CORO1B: variants seen among roughly 807,000 people sequenced by gnomAD.
CORO1B encodes coronin-1B.
Under a neutral mutation model 51.1 loss-of-function variants are expected in CORO1B, and 30 were observed. That is an observed-to-expected ratio of 0.59 (90% CI 0.44 to 0.80). The LOEUF (loss-of-function observed/expected upper bound fraction) is 0.80, where lower values mean the gene tolerates loss of function less well. CORO1B is among the 30% of genes least tolerant of loss of function. The pLI, the probability that CORO1B is intolerant of heterozygous loss-of-function variation, is 0.00. For synonymous variants in CORO1B, 310 were observed against 289.7 expected, an observed-to-expected ratio of 1.07 and a Z score of -0.71; for missense variants, 648 against 700.4, an observed-to-expected ratio of 0.93 and a Z score of 0.84.
intron 1 of CORO1B, 132 bp from the exon 2 acceptor site, chr11:67,442,762 C>T (rs1864424548): frequency 1.2e-6 from 1 of 855,092 alleles, no homozygotes; most frequent in East Asian, 2.6e-5. Context: ...CTCGGTTTAC[C>T]CAGTTACAGA....
At position 67,438,428 on chromosome 11, in the gene CORO1B, C is replaced by A. The variant is rs755285194; in HGVS notation, c.1418G>T (p.Arg473Leu). 5 of 1,610,806 alleles carry A rather than the reference C, an allele frequency of 3.1e-6. No homozygotes were observed. The highest frequency in any genetic ancestry group is 4.2e-6 in the Non-Finnish European group (5 of 1,178,468). Residue 473 changes from arginine (R) to leucine (L), a missense_variant, in exon 11 of 11, where the codon CGC becomes CTC. Arg to Leu is a moderately radical substitution (Grantham distance 102). Coordinates refer to ENST00000341356, the MANE Select transcript of CORO1B (RefSeq NM_020441.3). ...CAGCTGCTCCTCCAGGCGGCAGATG[C>A]GGTCGCCCTGCTCCTTGACCAGCGC... ...LRALVKEQGDRICRLEEQLGR... is the reference protein window; with the variant it reads ...LRALVKEQGDLICRLEEQLGR...
At chr11:67,439,958 C>T (rs1864363542) in intron 8 of CORO1B, 115 bp from the exon 9 acceptor site, 4 of 1,438,198 alleles carry the variant, frequency 2.8e-6, no homozygotes, top group Admixed American at 3.9e-5. Flanking sequence ...GCAGGCCGAC[C>T]CCTAAGGTGG....
Position 67,438,301 on chromosome 11 carries a change from CCGGTGCGACCCGCTGGCAGAAGCTGAGT to C in CORO1B, c.*47_*74del. 1 of 1,536,106 alleles carries C rather than the reference CCGGTGCGACCCGCTGGCAGAAGCTGAGT, an allele frequency of 6.5e-7. No homozygotes were observed. The highest frequency in any genetic ancestry group is 1.9e-4 in the Middle Eastern group (1 of 5,388). On this transcript the variant is annotated 3_prime_UTR_variant, in exon 11 of 11. Coordinates refer to ENST00000341356, the MANE Select transcript of CORO1B (RefSeq NM_020441.3). ...CAGAGGCTCTGGGCAGCCAGCTAGCCCGGTGCGACCCGCTGGCAGAAGCTGAGTGGGAAGGGGGCGGCGGAGGAGATGA... is the reference window on the plus strand; with the variant it reads ...CAGAGGCTCTGGGCAGCCAGCTAGCCGGGAAGGGGGCGGCGGAGGAGATGA...
At position 67,437,263 on chromosome 11, in the gene CORO1B, A is replaced by C; in HGVS notation, c.*1113T>G. ...AGGAAGTCTGCGGTCGGAACAGGCT[A>C]GGTGGGGGGTGTCGGGGGAGGGGTG... is the stretch of plus-strand genomic sequence containing the variant. On this transcript the variant is annotated 3_prime_UTR_variant, in exon 11 of 11. Coordinates refer to ENST00000341356, the MANE Select transcript of CORO1B (RefSeq NM_020441.3). 4.3e-6 allele frequency: 1 copy of C among 232,950 alleles called. No individual in the cohort carries two copies. Among genetic ancestry groups the C allele is most frequent in the Non-Finnish European group, 8.3e-6 (1 of 121,004 alleles). The allele number at this position is 232,950 out of a possible 1,614,324, so 14.4% of individuals were successfully genotyped here.
At position 67,438,347 on chromosome 11, in the gene CORO1B, G is replaced by A; in HGVS notation, c.*29C>T. 1 of 1,575,886 alleles carries A rather than the reference G, an allele frequency of 6.3e-7. No homozygotes were observed. On this transcript the variant is annotated 3_prime_UTR_variant, in exon 11 of 11. Coordinates refer to ENST00000341356, the MANE Select transcript of CORO1B (RefSeq NM_020441.3). ...AGCTGAGTGGGAAGGGGGCGGCGGAGGAGATGAAGGTGGCGTGTGGCTGTG... is the reference window on the plus strand; with the variant it reads ...AGCTGAGTGGGAAGGGGGCGGCGGAAGAGATGAAGGTGGCGTGTGGCTGTG...
At position 67,438,101 on chromosome 11, in the gene CORO1B, G is replaced by A. The variant is rs567395215; in HGVS notation, c.*275C>T. 245 of 403,666 alleles carry A rather than the reference G, an allele frequency of 6.1e-4. 2 individuals are homozygous for A. In the East Asian group the frequency reaches 8.2e-3, roughly 14 times the overall value. The allele number at this position is 403,666 out of a possible 1,614,324, so 25.0% of individuals were successfully genotyped here. ...ATGAAAATATAGAGCCCACCCTCCC[G>A]CCTCCTCTGGGGAGGGAGCAGAGGG... On this transcript the variant is annotated 3_prime_UTR_variant, in exon 11 of 11. Transcript: ENST00000341356.
chr11:67,435,666 G>A lies in CORO1B; in HGVS notation c.*2710C>T. Reference sequence around the variant, plus strand: ...GGGCTGGGGGTCCAGTCCAGCCATGGCATCTTGGGAAGCAGAGGCACGGGG... The same window carrying A: ...GGGCTGGGGGTCCAGTCCAGCCATGACATCTTGGGAAGCAGAGGCACGGGG... On this transcript the variant is annotated 3_prime_UTR_variant, in exon 11 of 11. Transcript: ENST00000341356. The A allele has an allele frequency of 1.3e-6, 2 of 1,493,130 alleles. No individual in the cohort carries two copies. Among genetic ancestry groups the A allele is most frequent in the East Asian group, 2.3e-5 (1 of 43,346 alleles). 92.5% of individuals were successfully genotyped at this position (1,493,130 alleles called of 1,614,324 possible). A position where few individuals can be genotyped will look rare whatever the true frequency, so the allele number is the denominator to read the frequency against.
In CORO1B at chr11:67,436,605, A is replaced by T. The variant is rs1276792390; in HGVS notation, c.*1771T>A. 3 of 408,458 alleles carry T rather than the reference A, an allele frequency of 7.3e-6. No homozygotes were observed. Among genetic ancestry groups the T allele is most frequent in the Middle Eastern group, 6.2e-4 (1 of 1,608 alleles). 25.3% of individuals were successfully genotyped at this position (408,458 alleles called of 1,614,324 possible). A position where few individuals can be genotyped will look rare whatever the true frequency, so the allele number is the denominator to read the frequency against. ...TAAGCCACCTGCCTGGGGCCTTCGC[A>T]CTGGCTGTTCCCTCTGCCCGGAAAG... On this transcript the variant is annotated 3_prime_UTR_variant, in exon 11 of 11. Coordinates refer to ENST00000341356, the MANE Select transcript of CORO1B (RefSeq NM_020441.3).
chr11:67,442,434 T>A lies in CORO1B; in HGVS notation c.195A>T (p.Leu65=). 1 of 1,613,112 alleles carries A rather than the reference T, an allele frequency of 6.2e-7. No homozygotes were observed. Among genetic ancestry groups the A allele is most frequent in the Non-Finnish European group, 8.5e-7 (1 of 1,179,976 alleles). ...SGGGAFLVLP[L]SKTGRIDKAY... is the part of the protein sequence containing the mutation. ...CAACCCTGACAGGACCCACCTTGCT[T>A]AGGGGGAGCACCAGAAAGGCACCCC... The change falls in exon 2 of 11, where the codon CTA becomes CTT. Residue 65 remains leucine, a synonymous_variant. Coordinates refer to ENST00000341356, the MANE Select transcript of CORO1B (RefSeq NM_020441.3).
chr11:67,437,751 C>T lies in CORO1B; in HGVS notation c.*625G>A, dbSNP rs992963339. On this transcript the variant is annotated 3_prime_UTR_variant, in exon 11 of 11. Coordinates refer to ENST00000341356, the MANE Select transcript of CORO1B (RefSeq NM_020441.3). ...CTTCCTGCCCACATACCCCACCTGC[C>T]CCTCCCTGCTGCAGGACCCCTGGTC... The T allele has an allele frequency of 4.0e-6, 4 of 1,000,416 alleles. No individual in the cohort carries two copies. Among genetic ancestry groups the T allele is most frequent in the South Asian group, 4.0e-5 (1 of 24,712 alleles). The allele number at this position is 1,000,416 out of a possible 1,614,324, so 62.0% of individuals were successfully genotyped here. A position where few individuals can be genotyped will look rare whatever the true frequency, so the allele number is the denominator to read the frequency against.
chr11:67,442,269 C>T (rs935839798), intron 2 of CORO1B, among the ~76,000 whole-genome samples, 159 bp downstream of exon 2: 5 of 152,234 alleles, frequency 3.3e-5, no homozygotes, highest in Non-Finnish European at 7.3e-5. Context: ...TGGCAACAGG[C>T]TACTTTCCAT....
upstream of CORO1B, chr11:67,443,791 A>G (rs1864444439): frequency 1.0e-6 from 1 of 985,090 alleles, no homozygotes; most frequent in Non-Finnish European, 1.2e-6. Context: ...GCTCCTCATA[A>G]TGGCATCCGC....
chr11:67,443,170 G>C (rs1864430743), intron 1 of CORO1B, among the ~76,000 whole-genome samples: 1 of 152,202 alleles, frequency 6.6e-6, no homozygotes, highest in Non-Finnish European at 1.5e-5. Context: ...GGGCCGCGAA[G>C]CAACCCAGAG....
In CORO1B at chr11:67,441,230, A is replaced by G; in HGVS notation, c.651T>C (p.Ala217=). 1 of 1,613,038 alleles carries G rather than the reference A, an allele frequency of 6.2e-7. No homozygotes were observed. Among genetic ancestry groups the G allele is most frequent in the East Asian group, 2.2e-5 (1 of 44,854 alleles). The change falls in exon 6 of 11, where the codon GCT becomes GCC. Residue 217 remains alanine, a synonymous_variant. Transcript: ENST00000341356. Reference sequence around the variant, plus strand: ...CCCGCATGGGCCGGGCCCCCTCATGAGCCTTCTCCCGCTCCTGTCGGGGGG... The same window carrying G: ...CCCGCATGGGCCGGGCCCCCTCATGGGCCTTCTCCCGCTCCTGTCGGGGGG... The part of the protein sequence containing the change: ...RGTLVAEREK[A]HEGARPMRAI...
chr11:67,437,639 T>G lies in CORO1B; in HGVS notation c.*737A>C. On this transcript the variant is annotated 3_prime_UTR_variant, in exon 11 of 11. Transcript: ENST00000341356. Reference sequence around the variant, plus strand: ...TACCATTGGTCCGCAGGCCCCTCCGTGCCGGGCACCCACCTCCAGCTCTGG... The same window carrying G: ...TACCATTGGTCCGCAGGCCCCTCCGGGCCGGGCACCCACCTCCAGCTCTGG... The G allele has an allele frequency of 7.3e-7, 1 of 1,366,142 alleles. No individual in the cohort carries two copies. Among genetic ancestry groups the G allele is most frequent in the Non-Finnish European group, 9.5e-7 (1 of 1,051,048 alleles). 84.6% of individuals were successfully genotyped at this position (1,366,142 alleles called of 1,614,324 possible).
Position 67,441,498 on chromosome 11 carries a change from T to A in CORO1B, c.471A>T (p.Val157=), listed in dbSNP as rs774269350. The A allele has an allele frequency of 6.2e-7, 1 of 1,612,060 alleles. No individual in the cohort carries two copies. The highest frequency in any genetic ancestry group is 8.5e-7 in the Non-Finnish European group (1 of 1,178,820). Residue 157 remains valine (V), a synonymous_variant, in exon 5 of 11, where the codon GTA becomes GTT. Coordinates refer to ENST00000341356, the MANE Select transcript of CORO1B (RefSeq NM_020441.3). ...VLLSAGCDNV[V]LIWNVGTAEE... is the part of the protein sequence containing the mutation. ...CCGCTGTGCCCACATTCCAGATGAGTACCACGTTGTCGCAGCCTGGCAGGT... is the reference window on the plus strand; with the variant it reads ...CCGCTGTGCCCACATTCCAGATGAGAACCACGTTGTCGCAGCCTGGCAGGT...
At chr11:67,439,007 A>G in intron 9 of CORO1B, 58 bp from the exon 10 acceptor site, 1 of 1,521,998 alleles carries the variant, frequency 6.6e-7, no homozygotes, top group Non-Finnish European at 8.8e-7. Context: ...GGGTCCCCTC[A>G]TCCCTCCCCT....
chr11:67,437,821 G>A lies in CORO1B; in HGVS notation c.*555C>T, dbSNP rs1313236636. The A allele has an allele frequency of 1.4e-5, 6 of 441,210 alleles. No homozygotes were observed. Among genetic ancestry groups the A allele is most frequent in the East Asian group, 3.5e-5 (1 of 28,204 alleles). The allele number at this position is 441,210 out of a possible 1,614,324, so 27.3% of individuals were successfully genotyped here. A position where few individuals can be genotyped will look rare whatever the true frequency, so the allele number is the denominator to read the frequency against. ...TCTCTCTGGAGGAGGCTGGGCTGCC[G>A]GGCCTGTCCTCCAAGGAAGAAGCAG... On this transcript the variant is annotated 3_prime_UTR_variant, in exon 11 of 11. Transcript: ENST00000341356.
chr11:67,440,572 T>C, intron 6 of CORO1B, 133 bp from the exon 7 acceptor site: 1 of 822,688 alleles, frequency 1.2e-6, no homozygotes. Flanking sequence ...CTGCCATCTC[T>C]ATGCCTTTTC....
Sources: gnomAD v4.1 joint callset for allele counts (sites outside exome capture counted in the v4.1 genomes callset) on GRCh38, gnomAD v4.1.1 for gene constraint, MANE v1.5 for transcripts, NCBI Gene and HGNC (gene_info 2026-07-23, HGNC 2026-07-21) for gene names.